Variants in CTCFL observed in about 807,000 individuals in gnomAD.
The protein encoded by CTCFL is CCCTC-binding factor like, also known as transcriptional repressor CTCFL.
A neutral mutation model predicts 67.4 loss-of-function variants in CTCFL; 36 were observed. The ratio of observed to expected loss-of-function variants is 0.53; its 90% CI spans 0.41 to 0.71. The LOEUF (loss-of-function observed/expected upper bound fraction) is 0.71. Among genes scored for constraint, CTCFL ranks in the 30% least tolerant of loss-of-function variants. The pLI, the probability that CTCFL is intolerant of heterozygous loss-of-function variation, is 0.00. For missense variants in CTCFL, 786 were observed against 835.2 expected (o/e 0.94, Z 0.73); for synonymous variants, 324 against 302.3 (o/e 1.07, Z -0.75).
In CTCFL at chr20:57,498,573, G is replaced by A; in HGVS notation, c.1969C>T (p.Leu657Phe). Residue 657 changes from leucine (L) to phenylalanine (F), a missense_variant, in exon 11 of 11, where the codon CTC (leucine) becomes TTC (phenylalanine). By Grantham distance (22) the Leu-to-Phe change is conservative. This residue lies in a region of CTCFL where 199 missense variants were observed against 196.7 expected (regional missense o/e 1.01). Coordinates refer to ENST00000243914, the MANE Select transcript of CTCFL (RefSeq NM_001386993.1). The part of the protein sequence containing the change: ...EVDEGVTCEM[L>F]LNTMDK ...TCTCACTTATCCATCGTGTTGAGGA[G>A]CATTTCACAGGTCACGCCTTCATCC... 1 of 1,613,910 alleles carries A rather than the reference G, an allele frequency of 6.2e-7. No homozygotes were observed. Among genetic ancestry groups the A allele is most frequent in the South Asian group, 1.1e-5 (1 of 91,044 alleles).
chr20:57,523,252 CTG>C lies in CTCFL; in HGVS notation c.568_569del (p.Gln190ValfsTer4), dbSNP rs750959788. 6.2e-7 allele frequency: 1 copy of C among 1,613,912 alleles called. No individual in the cohort carries two copies. ...IKLEEEQEKN[Q>X]LLAERTKEQL... Reference sequence around the variant, plus strand: ...GCTCCTTTGTTCTTTCAGCCAATAACTGGTTCTTCTCCTGCTCTTCCTCGAGC... The same window carrying C: ...GCTCCTTTGTTCTTTCAGCCAATAACGTTCTTCTCCTGCTCTTCCTCGAGC... On this transcript the variant is annotated frameshift_variant, in exon 3 of 11. Coordinates refer to ENST00000243914, the MANE Select transcript of CTCFL (RefSeq NM_001386993.1). LOFTEE classifies it high-confidence loss of function.
chr20:57,523,306 A>G (rs1367839460), intron 2 of CTCFL, 28 bp from the exon 3 acceptor site: 2 of 1,584,156 alleles, frequency 1.3e-6, no homozygotes, highest in East Asian at 4.5e-5. Flanking sequence ...TTCAAATATG[A>G]TACTATTGAT....
chr20:57,523,131 G>T lies in CTCFL; in HGVS notation c.691C>A (p.Pro231Thr). The T allele has an allele frequency of 1.2e-6, 2 of 1,613,954 alleles. No individual in the cohort carries two copies. Among genetic ancestry groups the T allele is most frequent in the Non-Finnish European group, 1.7e-6 (2 of 1,180,008 alleles). The change falls in exon 3 of 11, where the codon CCT (proline) becomes ACT (threonine). Residue 231 changes from proline to threonine, a missense_variant. By Grantham distance (38) the Pro-to-Thr change is conservative. Transcript: ENST00000243914. Reference protein sequence around the residue: ...NSNVEEQEDQPTAGQADAEKA... With the variant: ...NSNVEEQEDQTTAGQADAEKA... ...TCAGCATCTGCTTGACCAGCTGTAG[G>T]TTGATCCTCTTGTTCTTCCACATTT...
intron 10 of CTCFL, among the ~76,000 whole-genome samples, chr20:57,500,835 A>C (rs932680865): frequency 6.6e-6 from 1 of 152,216 alleles, no homozygotes; most frequent in African/African-American, 2.4e-5. Context: ...TAACAACAAC[A>C]AAAAACCAAA....
intron 10 of CTCFL, among the ~76,000 whole-genome samples, chr20:57,503,105 A>G (rs1435750265): frequency 6.6e-6 from 1 of 152,176 alleles, no homozygotes; most frequent in Non-Finnish European, 1.5e-5. Context: ...TTTGAAAATC[A>G]ATTTCTGTTG....
chr20:57,513,935 C>A, intron 7 of CTCFL: 1 of 1,271,878 alleles, frequency 7.9e-7, no homozygotes, highest in South Asian at 1.3e-5. Context: ...TTGCTCAACA[C>A]TGGCTGGCTT....
intron 9 of CTCFL, chr20:57,507,029 A>G: frequency 6.1e-6 from 6 of 985,658 alleles, no homozygotes; most frequent in Non-Finnish European, 7.2e-6. Context: ...AAACTTTTAT[A>G]AAGTTAGGCT....
At chr20:57,518,681 T>G in intron 5 of CTCFL, 77 bp downstream of exon 5, 1 of 1,608,670 alleles carries the variant, frequency 6.2e-7, no homozygotes, top group Non-Finnish European at 8.5e-7. Context: ...GATTCTACTG[T>G]TAGTTACACT....
chr20:57,523,227 G>A lies in CTCFL; in HGVS notation c.595C>T (p.Gln199Ter). The A allele has an allele frequency of 6.2e-7, 1 of 1,613,942 alleles. No homozygotes were observed. Residue 199 changes from glutamine (Q) to a stop codon, truncating the protein, a stop_gained, in exon 3 of 11, where the codon CAG becomes TAG. Transcript: ENST00000243914. LOFTEE classifies it high-confidence loss of function. ...NQLLAERTKE[Q>*]LFFVETMSGD... ...GACATTGTTTCCACAAAAAAGAGCT[G>A]CTCCTTTGTTCTTTCAGCCAATAAC...
At chr20:57,511,595 CCTT>C (rs1486447461) in intron 8 of CTCFL, among the ~76,000 whole-genome samples, 2 of 150,684 alleles carry the variant, frequency 1.3e-5, no homozygotes, top group Non-Finnish European at 3.0e-5. Flanking sequence ...TAATCCCCCC[CCTT>C]TTTTTTTTTT....
At chr20:57,517,283 C>CTTTTTT (rs77609219) in intron 5 of CTCFL, among the ~76,000 whole-genome samples, 1 of 130,774 alleles carries the variant, frequency 7.6e-6, no homozygotes. Context: ...AGTTCAAATG[C>CTTTTTT]TTTTTTTTTT....
At position 57,512,698 on chromosome 20, in the gene CTCFL, T is replaced by C. The variant is rs778376405; in HGVS notation, c.1385A>G (p.Tyr462Cys). ...AYSAAELKCR[Y>C]CSAVFHERYA... ...GCGTTCATGGAAGACAGCAGAACAG[T>C]AGCGGCATTTCAGCTCTGCAGCGCT... The change falls in exon 8 of 11, where the codon TAC (tyrosine) becomes TGC (cysteine). Residue 462 changes from tyrosine (Y) to cysteine (C), a missense_variant. Around this residue, in one of 3 missense-constraint regions of CTCFL, gnomAD observed 254 missense variants for 333.9 expected, o/e 0.76. Transcript: ENST00000243914. 4.3e-6 allele frequency: 7 copies of C among 1,614,206 alleles called. No individual in the cohort carries two copies. Among genetic ancestry groups the C allele is most frequent in the Admixed American group, 3.3e-5 (2 of 60,028 alleles).
rs868112629 is a variant in CTCFL at position 57,500,482 on chromosome 20, C to T, written c.1841-1781G>A. On this transcript the variant is annotated intron_variant, in intron 10 of 10. Coordinates refer to ENST00000243914, the MANE Select transcript of CTCFL (RefSeq NM_001386993.1). Reference sequence around the variant, plus strand: ...CTGGTGCTATCAGATAGTCACCCATCGAGATCTGTCAATGAACTGGAGGTG... The same window carrying T: ...CTGGTGCTATCAGATAGTCACCCATTGAGATCTGTCAATGAACTGGAGGTG... 8.8e-5 allele frequency: 14 copies of T among 159,330 alleles called. No homozygotes were observed. In the Middle Eastern group the frequency reaches 8.5e-3, roughly 96 times the overall value. 9.9% of individuals were successfully genotyped at this position (159,330 alleles called of 1,614,324 possible). A position where few individuals can be genotyped will look rare whatever the true frequency, so the allele number is the denominator to read the frequency against.
intron 4 of CTCFL, 137 bp downstream of exon 4, chr20:57,519,070 G>T: frequency 1.7e-6 from 2 of 1,197,566 alleles, no homozygotes; most frequent in Non-Finnish European, 2.3e-6. Flanking sequence ...TATTTTTAAT[G>T]GAAATTCAAG....
At chr20:57,498,846 G>T in intron 10 of CTCFL, 145 bp from the exon 11 acceptor site, 1 of 709,050 alleles carries the variant, frequency 1.4e-6, no homozygotes, top group Non-Finnish European at 2.3e-6. Flanking sequence ...TGATAAGATG[G>T]TACTATTCTG....
chr20:57,501,422 G>C (rs1029819901), intron 10 of CTCFL, among the ~76,000 whole-genome samples: 1 of 151,768 alleles, frequency 6.6e-6, no homozygotes, highest in Non-Finnish European at 1.5e-5. Context: ...CTGCTCATCT[G>C]GGGGGTGGGT....
rs2146454855 is a variant in CTCFL, at chr20:57,522,184, T to C, written c.754+884A>G. Reference sequence around the variant, plus strand: ...CTAAGTGAAGGGCCCTGACCACATGTAAGAATGGGGTGGTGGTGGCAGTGT... The same window carrying C: ...CTAAGTGAAGGGCCCTGACCACATGCAAGAATGGGGTGGTGGTGGCAGTGT... On this transcript the variant is annotated intron_variant, in intron 3 of 10. Coordinates refer to ENST00000243914, the MANE Select transcript of CTCFL (RefSeq NM_001386993.1). 1.3e-5 allele frequency among the ~76,000 whole-genome samples: 2 copies of C among 152,258 alleles called. 1 individual carries two copies. The highest frequency in any genetic ancestry group is 4.1e-4 in the South Asian group (2 of 4,820).
intron 8 of CTCFL, among the ~76,000 whole-genome samples, chr20:57,509,336 T>C (rs772866852): frequency 3.2e-4 from 47 of 148,568 alleles, no homozygotes; most frequent in Non-Finnish European, 5.2e-4. Flanking sequence ...CAATCATAGC[T>C]CACTGCAATC....
At chr20:57,519,760 T>C (rs1249904424) in intron 3 of CTCFL, among the ~76,000 whole-genome samples, 2 of 152,068 alleles carry the variant, frequency 1.3e-5, no homozygotes, top group Admixed American at 6.6e-5. Flanking sequence ...GGCCCTGCAT[T>C]CTCTGTAGGG....
Sources: gnomAD v4.1 joint callset for allele counts (sites outside exome capture counted in the v4.1 genomes callset) on GRCh38, gnomAD v4.1.1 for gene constraint, gnomAD v4.1.1 regional missense constraint, MANE v1.5 for transcripts, NCBI Gene and HGNC (gene_info 2026-07-23, HGNC 2026-07-21) for gene names.